Variants in ZCCHC14 observed in about 807,000 individuals in gnomAD.
The protein encoded by ZCCHC14 is zinc finger CCHC-type containing 14.
A neutral mutation model predicts 85.0 loss-of-function variants in ZCCHC14; 16 were observed. That is an observed-to-expected ratio of 0.19 (90% CI 0.13 to 0.29). The LOEUF is 0.29. Among genes scored for constraint, ZCCHC14 ranks in the 10% least tolerant of loss-of-function variants. ZCCHC14 has a pLI of 1.00. For synonymous variants in ZCCHC14, 775 were observed against 630.7 expected, an observed-to-expected ratio of 1.23 and a Z score of -3.43; for missense variants, 1,303 against 1,443.5, an observed-to-expected ratio of 0.90 and a Z score of 1.58.
chr16:87,485,109 C>T (rs1293358112), intron 1 of ZCCHC14, among the ~76,000 whole-genome samples: 1 of 152,178 alleles, frequency 6.6e-6, no homozygotes, highest in Non-Finnish European at 1.5e-5. Context: ...GAATGGCGGG[C>T]GGGGTCCACA....
At chr16:87,446,467 G>C (rs1910442840) in intron 2 of ZCCHC14, among the ~76,000 whole-genome samples, 1 of 133,490 alleles carries the variant, frequency 7.5e-6, no homozygotes, top group Admixed American at 7.6e-5. Context: ...CTGGGCGACA[G>C]AGGGAGACTC....
chr16:87,465,499 C>T (rs1277148506), intron 1 of ZCCHC14, among the ~76,000 whole-genome samples: 2 of 152,244 alleles, frequency 1.3e-5, no homozygotes, highest in African/African-American at 2.4e-5. Context: ...ACACCCGCCC[C>T]TGGGGCTCTT....
intron 1 of ZCCHC14, among the ~76,000 whole-genome samples, chr16:87,488,617 C>T (rs1179303260): frequency 6.6e-6 from 1 of 152,212 alleles, no homozygotes; most frequent in African/African-American, 2.4e-5. Flanking sequence ...CACTCTGTCA[C>T]CCAGGCTGGA....
chr16:87,459,774 G>A (rs1028395264), intron 2 of ZCCHC14, among the ~76,000 whole-genome samples: 5 of 152,154 alleles, frequency 3.3e-5, no homozygotes, highest in African/African-American at 9.7e-5. Flanking sequence ...CTCCCAAAGT[G>A]CTGGGATTAC....
chr16:87,454,154 C>T (rs1233600773), intron 2 of ZCCHC14, among the ~76,000 whole-genome samples: 1 of 152,074 alleles, frequency 6.6e-6, no homozygotes. Flanking sequence ...TGAGCTTCAC[C>T]TCAGATCTGT....
At chr16:87,429,242 G>A (rs1428435700) in intron 3 of ZCCHC14, among the ~76,000 whole-genome samples, 2 of 152,202 alleles carry the variant, frequency 1.3e-5, no homozygotes, top group African/African-American at 2.4e-5. Flanking sequence ...GGTGTGCAGT[G>A]CCCTTTCACT....
rs529523319 is a variant in ZCCHC14, at chr16:87,479,804, C to T, written c.570+11865G>A. On this transcript the variant is annotated intron_variant, in intron 1 of 12. Coordinates refer to ENST00000671377, the MANE Select transcript of ZCCHC14 (RefSeq NM_015144.3). Reference sequence around the variant, plus strand: ...AGGCCACCAAAGCATCATGATGCCACGCGGCTTCTTCCGAGCTCTCAGCTG... The same window carrying T: ...AGGCCACCAAAGCATCATGATGCCATGCGGCTTCTTCCGAGCTCTCAGCTG... Among the ~76,000 whole-genome samples the T allele has an allele frequency of 5.3e-5, 8 of 152,296 alleles. No homozygotes were observed. In the East Asian group the frequency reaches 1.2e-3, roughly 22 times the overall value.
chr16:87,412,864 C>T lies in ZCCHC14; in HGVS notation c.1857G>A (p.Glu619=), dbSNP rs756764747. The T allele has an allele frequency of 1.9e-6, 3 of 1,607,870 alleles. No homozygotes were observed. Among genetic ancestry groups the T allele is most frequent in the Non-Finnish European group, 2.5e-6 (3 of 1,176,562 alleles). The change falls in exon 12 of 13, where the codon GAG becomes GAA. Residue 619 remains glutamate (E), a synonymous_variant. Transcript: ENST00000671377. ...GGTGGCCTGATGGATTGGAGCTGGC[C>T]TCATTCTGCACAGGGAGAACCTGGG... ...PTAQVLPVQN[E]ASSNPSGHHP... is the part of the protein sequence containing the mutation.
At chr16:87,453,605 G>A (rs1044034274) in intron 2 of ZCCHC14, among the ~76,000 whole-genome samples, 6 of 152,234 alleles carry the variant, frequency 3.9e-5, no homozygotes, top group Non-Finnish European at 8.8e-5. Context: ...CACAGCTGGT[G>A]CGGTCTAAGG....
chr16:87,449,010 G>A (rs544695882), intron 2 of ZCCHC14, among the ~76,000 whole-genome samples: 1 of 152,200 alleles, frequency 6.6e-6, no homozygotes, highest in African/African-American at 2.4e-5. Flanking sequence ...AATCCTCATG[G>A]CTCCCATGTG....
intron 3 of ZCCHC14, among the ~76,000 whole-genome samples, chr16:87,429,965 A>C (rs1434079744): frequency 1.3e-5 from 2 of 152,198 alleles, no homozygotes; most frequent in African/African-American, 4.8e-5. Flanking sequence ...TGAACATATA[A>C]ATCCTTCATC....
chr16:87,469,667 G>C (rs147603841), intron 1 of ZCCHC14, among the ~76,000 whole-genome samples: 3 of 152,174 alleles, frequency 2.0e-5, no homozygotes, highest in South Asian at 2.1e-4. Flanking sequence ...TGGTGCTTGC[G>C]GTGTGGCTGG....
chr16:87,459,118 C>T (rs1911125869), intron 2 of ZCCHC14, among the ~76,000 whole-genome samples: 1 of 152,228 alleles, frequency 6.6e-6, no homozygotes, highest in Admixed American at 6.5e-5. Context: ...CCTCACTACC[C>T]ACGCTGAGCT....
At chr16:87,433,259 T>C (rs1909753123) in intron 2 of ZCCHC14, 58 bp from the exon 3 acceptor site, 5 of 1,509,980 alleles carry the variant, frequency 3.3e-6, no homozygotes, top group African/African-American at 1.4e-5. Context: ...TATACATGAT[T>C]ATTTAGCATT....
At chr16:87,439,354 C>T (rs1223009605) in intron 2 of ZCCHC14, among the ~76,000 whole-genome samples, 1 of 152,084 alleles carries the variant, frequency 6.6e-6, no homozygotes, top group Admixed American at 6.6e-5. Flanking sequence ...AGGCTGGCCT[C>T]AATCTCCTGA....
In ZCCHC14 at chr16:87,444,809, G is replaced by A. The variant is rs547858787; in HGVS notation, c.695-11608C>T. Among the ~76,000 whole-genome samples the A allele has an allele frequency of 6.6e-5, 10 of 152,286 alleles. No homozygotes were observed. In the South Asian group the frequency reaches 1.0e-3, roughly 16 times the overall value. On this transcript the variant is annotated intron_variant, in intron 2 of 12. Transcript: ENST00000671377. ...GAGGCCAAATGCACCCTGGGATTCC[G>A]AACTTGATCCTCTGGGTATAAAAGG...
intron 2 of ZCCHC14, among the ~76,000 whole-genome samples, chr16:87,439,950 T>C (rs1451152051): frequency 6.6e-6 from 1 of 152,220 alleles, no homozygotes; most frequent in Non-Finnish European, 1.5e-5. Flanking sequence ...CCACACAATT[T>C]TATGCTGCTA....
chr16:87,417,914 C>G, intron 7 of ZCCHC14, 172 bp from the exon 8 acceptor site: 1 of 693,410 alleles, frequency 1.4e-6, no homozygotes, highest in Admixed American at 3.0e-5. Context: ...TGCCCTCCCT[C>G]CCCAACCACC....
chr16:87,489,004 G>A (rs2150781124), intron 1 of ZCCHC14, among the ~76,000 whole-genome samples: 1 of 152,322 alleles, frequency 6.6e-6, no homozygotes, highest in East Asian at 1.9e-4. Flanking sequence ...ACAAAAGAAT[G>A]CAGACAGCTT....
Sources: gnomAD v4.1 joint callset for allele counts (sites outside exome capture counted in the v4.1 genomes callset) on GRCh38, gnomAD v4.1.1 for gene constraint, MANE v1.5 for transcripts, NCBI Gene and HGNC (gene_info 2026-07-23, HGNC 2026-07-21) for gene names.